Variants in TRAF3IP2 observed in about 807,000 individuals in gnomAD.
The protein encoded by TRAF3IP2 is TRAF3 interacting protein 2.
TRAF3IP2 carries 35 observed loss-of-function variants against 57.9 expected under a neutral mutation model. The ratio of observed to expected loss-of-function variants is 0.60; its 90% CI spans 0.46 to 0.80. The LOEUF is 0.80. Among genes scored for constraint, TRAF3IP2 ranks in the 30% least tolerant of loss-of-function variants. The probability of loss-of-function intolerance (pLI) is 0.00; values close to 1 mark genes in which losing one functional copy is unlikely to be tolerated. For synonymous variants in TRAF3IP2, 251 were observed against 268.9 expected, an observed-to-expected ratio of 0.93 and a Z score of 0.65; for missense variants, 556 against 706.4, an observed-to-expected ratio of 0.79 and a Z score of 2.41.
intron 1 of TRAF3IP2, chr6:111,598,447 TTC>T (rs1796764659): frequency 6.5e-6 from 1 of 153,802 alleles, no homozygotes; most frequent in Admixed American, 6.4e-5. Flanking sequence ...TGTCTAAAGG[TTC>T]TGATTTTTAA....
At chr6:111,573,287 C>T (rs987132622) in intron 4 of TRAF3IP2, among the ~76,000 whole-genome samples, 2 of 152,122 alleles carry the variant, frequency 1.3e-5, no homozygotes, top group South Asian at 2.1e-4. Context: ...CCAGAATCCG[C>T]GAGCCCTTAA....
Position 111,579,316 on chromosome 6 carries a change from C to CA in TRAF3IP2, c.1022+880dup, listed in dbSNP as rs529040872. Among the ~76,000 whole-genome samples, 298 of 69,676 alleles carry CA rather than the reference C, an allele frequency of 4.3e-3. 2 individuals carry two copies. The highest frequency in any genetic ancestry group is 0.011 in the Middle Eastern group (1 of 94). 45.7% of individuals were successfully genotyped at this position (69,676 alleles called of 152,430 possible). A position where few individuals can be genotyped will look rare whatever the true frequency, so the allele number is the denominator to read the frequency against. ...TGGACGACAGAGCAAGGCTCCATCT[C>CA]AAAAAAAAAAAAAAAAAAAAAAAAG... On this transcript the variant is annotated intron_variant, in intron 3 of 8. Transcript: ENST00000368761.
intron 1 of TRAF3IP2, among the ~76,000 whole-genome samples, chr6:111,605,316 AT>A (rs1360415858): frequency 5.9e-5 from 9 of 152,104 alleles, no homozygotes; most frequent in South Asian, 4.1e-4. Flanking sequence ...TGTGCTGTTG[AT>A]TTTTTTCCCC....
intron 2 of TRAF3IP2, among the ~76,000 whole-genome samples, chr6:111,583,912 G>A (rs1392013233): frequency 3.3e-5 from 5 of 152,140 alleles, no homozygotes; most frequent in Non-Finnish European, 7.4e-5. Flanking sequence ...CCAGAAGTAG[G>A]AAGGAGAAAC....
intron 2 of TRAF3IP2, among the ~76,000 whole-genome samples, chr6:111,582,094 T>C (rs923922115): frequency 4.6e-5 from 7 of 152,214 alleles, no homozygotes; most frequent in African/African-American, 1.7e-4. Context: ...AGATAAATAA[T>C]GTGCACGTTC....
intron 1 of TRAF3IP2, among the ~76,000 whole-genome samples, chr6:111,595,924 C>G (rs577205392): frequency 1.3e-5 from 2 of 152,098 alleles, no homozygotes; most frequent in Admixed American, 1.3e-4. Flanking sequence ...TTGCTGTGAT[C>G]CAGCCTAAGA....
At chr6:111,599,298 A>G (rs1164574943) in intron 1 of TRAF3IP2, among the ~76,000 whole-genome samples, 1 of 152,012 alleles carries the variant, frequency 6.6e-6, no homozygotes, top group Non-Finnish European at 1.5e-5. Flanking sequence ...TCTTCCCTCA[A>G]ATATGTCAGT....
At chr6:111,589,329 G>A (rs139822960) in intron 2 of TRAF3IP2, among the ~76,000 whole-genome samples, 1 of 152,186 alleles carries the variant, frequency 6.6e-6, no homozygotes, top group African/African-American at 2.4e-5. Flanking sequence ...CTCCCAAAGT[G>A]CTGGGATTAC....
At chr6:111,564,887 T>G (rs1296261777) in intron 7 of TRAF3IP2, among the ~76,000 whole-genome samples, 3 of 152,108 alleles carry the variant, frequency 2.0e-5, no homozygotes, top group Admixed American at 2.0e-4. Context: ...ACTGGCAGGT[T>G]CCTAGAGATG....
At chr6:111,566,345 T>C in intron 7 of TRAF3IP2, 99 bp downstream of exon 7, 1 of 954,920 alleles carries the variant, frequency 1.0e-6, no homozygotes, top group South Asian at 1.5e-5. Context: ...CCCAGCATCA[T>C]GCTGCCTTCA....
chr6:111,591,300 A>C lies in TRAF3IP2; in HGVS notation c.787T>G (p.Tyr263Asp). The change falls in exon 2 of 9, where the codon TAT becomes GAT. Residue 263 changes from tyrosine (Y) to aspartate (D), a missense_variant. Transcript: ENST00000368761. The surrounding 1 kb of genome is among the most constrained non-coding windows in gnomAD (Gnocchi z 4.9). ...PNLSPHAPWN[Y>D]HYHCPGSPDH... ...GGACTTCCAGGACAATGGTAATGAT[A>C]GTTCCATGGAGCATGTGGGGAAAGA... 6.6e-7 allele frequency: 1 copy of C among 1,510,132 alleles called. No individual in the cohort carries two copies. 93.5% of individuals were successfully genotyped at this position (1,510,132 alleles called of 1,614,324 possible).
chr6:111,584,342 C>A (rs1328809804), intron 2 of TRAF3IP2, among the ~76,000 whole-genome samples: 1 of 152,150 alleles, frequency 6.6e-6, no homozygotes, highest in Non-Finnish European at 1.5e-5. Flanking sequence ...AAATGATACA[C>A]CTCATCAATT....
At chr6:111,603,937 G>A (rs1202834897) in intron 1 of TRAF3IP2, among the ~76,000 whole-genome samples, 2 of 152,192 alleles carry the variant, frequency 1.3e-5, no homozygotes, top group Non-Finnish European at 2.9e-5. Context: ...TGTGGTGTGT[G>A]GCCTTTAAGG....
chr6:111,583,887 A>C (rs1004966427), intron 2 of TRAF3IP2, among the ~76,000 whole-genome samples: 2 of 152,120 alleles, frequency 1.3e-5, no homozygotes. Flanking sequence ...TTTTTGGTTT[A>C]ATCGGTGTCT....
At chr6:111,566,782 G>A (rs993648630) in intron 6 of TRAF3IP2, among the ~76,000 whole-genome samples, 1 of 152,128 alleles carries the variant, frequency 6.6e-6, no homozygotes, top group Admixed American at 6.5e-5. Context: ...CTCTCAAATA[G>A]ATGTGCTTTT....
rs566454557 is a variant in TRAF3IP2, at chr6:111,563,485, C to T, written c.1477-446G>A. Among the ~76,000 whole-genome samples the T allele has an allele frequency of 4.6e-5, 7 of 152,310 alleles. No individual in the cohort carries two copies. In the South Asian group the frequency reaches 1.5e-3, roughly 32 times the overall value. On this transcript the variant is annotated intron_variant, in intron 7 of 8. Coordinates refer to ENST00000368761, the MANE Select transcript of TRAF3IP2 (RefSeq NM_147686.4). Reference sequence around the variant, plus strand: ...ACCACAGATACAGTCCCTATCTTCACAAAGCCAGCAGTCTAGTGAGCAGGC... The same window carrying T: ...ACCACAGATACAGTCCCTATCTTCATAAAGCCAGCAGTCTAGTGAGCAGGC...
chr6:111,558,193 T>TATAA lies in TRAF3IP2; in HGVS notation c.*1208_*1211dup, dbSNP rs1795309602. ...AGAGATGCTTTTGTCCATGTCATTT[T>TATAA]ATAAATGAGTCCCTGGAATCTAAGA... is the stretch of plus-strand genomic sequence containing the variant. On this transcript the variant is annotated 3_prime_UTR_variant, in exon 9 of 9. Transcript: ENST00000368761. 6.6e-6 allele frequency: 1 copy of TATAA among 152,236 alleles called. No individual in the cohort carries two copies. Among genetic ancestry groups the TATAA allele is most frequent in the African/African-American group, 2.4e-5 (1 of 41,460 alleles). 9.4% of individuals were successfully genotyped at this position (152,236 alleles called of 1,614,324 possible). A position where few individuals can be genotyped will look rare whatever the true frequency, so the allele number is the denominator to read the frequency against.
In TRAF3IP2 at chr6:111,591,371, A is replaced by T; in HGVS notation, c.716T>A (p.Phe239Tyr). Residue 239 changes from phenylalanine to tyrosine, a missense_variant, in exon 2 of 9, where the codon TTT becomes TAT. Physicochemically the swap from Phe to Tyr is conservative, Grantham distance 22. Around this residue, in one of 2 missense-constraint regions of TRAF3IP2, gnomAD observed 428 missense variants for 498.7 expected, o/e 0.86. Transcript: ENST00000368761. The surrounding 1 kb of genome is among the most constrained non-coding windows in gnomAD (Gnocchi z 4.9). ...RPLRSREFPQ[F>Y]EPQRYPACAQ... ...ACATGCTGGATACCTCTGAGGTTCAAACTGAGGGAACTCCCTGGACCTGAG... is the reference window on the plus strand; with the variant it reads ...ACATGCTGGATACCTCTGAGGTTCATACTGAGGGAACTCCCTGGACCTGAG... The T allele has an allele frequency of 6.5e-7, 1 of 1,544,270 alleles. No homozygotes were observed. Among genetic ancestry groups the T allele is most frequent in the African/African-American group, 1.4e-5 (1 of 72,434 alleles).
chr6:111,570,710 C>T (rs1795803996), intron 5 of TRAF3IP2, among the ~76,000 whole-genome samples: 1 of 152,124 alleles, frequency 6.6e-6, no homozygotes, highest in East Asian at 1.9e-4. Context: ...AAGATCTTTT[C>T]TGAAATGCTG....
Sources: allele counts gnomAD v4.1 joint callset (sites outside exome capture counted in the v4.1 genomes callset), GRCh38; gene constraint gnomAD v4.1.1; regional missense constraint gnomAD v4.1.1; non-coding constraint Gnocchi (gnomAD v3.1); transcripts MANE v1.5; gene names NCBI Gene and HGNC (gene_info 2026-07-23, HGNC 2026-07-21).